LSP1: variants seen among roughly 807,000 people sequenced by gnomAD.
LSP1 encodes the protein lymphocyte specific protein 1, also known as lymphocyte-specific protein 1.
In LSP1, 32 loss-of-function variants were observed where a neutral mutation model predicts 49.3. The ratio of observed to expected loss-of-function variants is 0.65; its 90% CI spans 0.49 to 0.87. The LOEUF (loss-of-function observed/expected upper bound fraction) is 0.87. LSP1 is among the 40% of genes least tolerant of loss of function. LSP1 has a pLI of 0.00. For missense variants in LSP1, 428 were observed against 442.6 expected (o/e 0.97, Z 0.30); for synonymous variants, 179 against 178.8 (o/e 1.00, Z -0.01).
chr11:1,881,985 G>A (rs1420222288), intron 3 of LSP1, among the ~76,000 whole-genome samples: 2 of 152,188 alleles, frequency 1.3e-5, no homozygotes, highest in African/African-American at 2.4e-5. Flanking sequence ...GGCCGCTTCC[G>A]TAATGGAGGC....
At chr11:1,859,300 C>G (rs1165477492) in intron 1 of LSP1, among the ~76,000 whole-genome samples, 1 of 152,098 alleles carries the variant, frequency 6.6e-6, no homozygotes, top group African/African-American at 2.4e-5. Flanking sequence ...CCCAGAGTCC[C>G]CAGTCTCCAG....
chr11:1,887,979 G>T (rs539736104), intron 10 of LSP1, among the ~76,000 whole-genome samples: 2 of 152,104 alleles, frequency 1.3e-5, no homozygotes, highest in Non-Finnish European at 2.9e-5. Flanking sequence ...GTCCATAGAG[G>T]GGCAGGAACT....
At chr11:1,853,267 A>G (rs1342611384) in intron 1 of LSP1, 70 bp downstream of exon 1, 21 of 1,516,506 alleles carry the variant, frequency 1.4e-5, no homozygotes, top group Non-Finnish European at 1.9e-5. Context: ...AGCTGCATGG[A>G]GGGTGGAGAA....
intron 1 of LSP1, among the ~76,000 whole-genome samples, chr11:1,862,846 C>A (rs1402347147): frequency 2.0e-5 from 3 of 152,106 alleles, no homozygotes; most frequent in Admixed American, 2.0e-4. Context: ...ACCTCCCCTC[C>A]CCTGGGTGAG....
At chr11:1,862,015 GTGGA>G (rs1413110131) in intron 1 of LSP1, among the ~76,000 whole-genome samples, 33 of 146,504 alleles carry the variant, frequency 2.3e-4, no homozygotes, top group African/African-American at 7.6e-4. Flanking sequence ...GGATGGATGA[GTGGA>G]TGGATGGATG....
rs1326513352 is a variant in LSP1, at chr11:1,884,918, A to G, written c.717+337A>G. The stretch of plus-strand genomic sequence containing the variant: ...TCCTCCAATTATTCAGTGTTCCTCC[A>G]TTCAATCAATGCCCCCCTCGGAACA... On this transcript the variant is annotated intron_variant, in intron 7 of 10. Coordinates refer to ENST00000311604, the MANE Select transcript of LSP1 (RefSeq NM_002339.3). The surrounding 1 kb of genome is among the most constrained non-coding windows in gnomAD (Gnocchi z 4.1). Among the ~76,000 whole-genome samples the G allele has an allele frequency of 1.3e-5, 2 of 152,062 alleles. No individual in the cohort carries two copies. The highest frequency in any genetic ancestry group is 2.9e-5 in the Non-Finnish European group (2 of 68,010).
chr11:1,888,329 C>G (rs1274799202), intron 10 of LSP1, among the ~76,000 whole-genome samples: 1 of 152,228 alleles, frequency 6.6e-6, no homozygotes, highest in Non-Finnish European at 1.5e-5. Context: ...AGCCCCTTCT[C>G]TGTCCCGCTT....
In LSP1 at chr11:1,881,551, G is replaced by C. The variant is rs140673005; in HGVS notation, c.311G>C (p.Gly104Ala). ...HEGAQGALDS[G>A]EPPQCRSPEG... is the part of the protein sequence containing the mutation. ...GGGGCGCAGGGCGCCTTGGACAGCGGAGAGCCCCCCCAGTGCAGGAGTCCT... is the reference window on the plus strand; with the variant it reads ...GGGGCGCAGGGCGCCTTGGACAGCGCAGAGCCCCCCCAGTGCAGGAGTCCT... The change falls in exon 3 of 11, where the codon GGA (glycine) becomes GCA (alanine). Residue 104 changes from glycine to alanine, a missense_variant. By Grantham distance (60) the Gly-to-Ala change is moderately conservative (BLOSUM62 0). Coordinates refer to ENST00000311604, the MANE Select transcript of LSP1 (RefSeq NM_002339.3). 814 of 1,543,960 alleles carry C rather than the reference G, an allele frequency of 5.3e-4. 7 individuals are homozygous for C. The African/African-American group carries it at 9.6e-3, about 18-fold the overall frequency.
chr11:1,871,279 A>G (rs1204173896), intron 1 of LSP1: 1 of 986,582 alleles, frequency 1.0e-6, no homozygotes, highest in African/African-American at 1.7e-5. Flanking sequence ...AGGCAGGGCC[A>G]CCCACGAGCA....
At chr11:1,889,013 G>C in intron 10 of LSP1, 1 of 556,330 alleles carries the variant, frequency 1.8e-6, no homozygotes, top group Non-Finnish European at 3.2e-6. Context: ...GCCCTTCCCA[G>C]GCTGCCCTGC....
intron 1 of LSP1, chr11:1,870,744 A>C (rs57214763): frequency 0.054 from 53,982 of 999,096 alleles, 2,432 homozygotes; most frequent in African/African-American, 0.23. Context: ...GTGGGCAGAG[A>C]CTTCAGGGAT....
intron 1 of LSP1, among the ~76,000 whole-genome samples, chr11:1,857,945 A>C (rs1048307112): frequency 1.3e-5 from 2 of 152,022 alleles, no homozygotes; most frequent in Non-Finnish European, 1.5e-5. Flanking sequence ...AGTAGAGAAG[A>C]GGCTTTCACC....
chr11:1,889,504 G>A (rs1478220512), intron 10 of LSP1: 8 of 617,050 alleles, frequency 1.3e-5, no homozygotes, highest in South Asian at 3.8e-5. Context: ...AGGCTCTGCC[G>A]CGGCTCTGGG....
chr11:1,873,670 C>T lies in LSP1; in HGVS notation c.54-6417C>T, dbSNP rs1447332277. ...AGGAGGGAGGAGGGAGGAACTGGAC[C>T]GAGGCTATGGCTATGGAAGAATCAT... On this transcript the variant is annotated intron_variant, in intron 1 of 10. Transcript: ENST00000311604. Among the ~76,000 whole-genome samples the T allele has an allele frequency of 3.3e-5, 5 of 149,766 alleles. No homozygotes were observed. In the South Asian group the frequency reaches 6.4e-4, roughly 19 times the overall value.
chr11:1,878,970 G>C (rs1211619547), intron 1 of LSP1, among the ~76,000 whole-genome samples: 1 of 152,144 alleles, frequency 6.6e-6, no homozygotes, highest in Non-Finnish European at 1.5e-5. Flanking sequence ...TCCCTGAGGG[G>C]GGCGCGTGGG....
At chr11:1,865,653 C>T (rs575455326) in intron 1 of LSP1, among the ~76,000 whole-genome samples, 3 of 138,870 alleles carry the variant, frequency 2.2e-5, no homozygotes, top group Non-Finnish European at 4.7e-5. Context: ...CACTGTCACC[C>T]GCTCACGCCG....
chr11:1,884,277 C>A lies in LSP1; in HGVS notation c.592-3C>A. On this transcript the variant is annotated splice_polypyrimidine_tract_variant and splice_region_variant and intron_variant, in intron 5 of 10. Coordinates refer to ENST00000311604, the MANE Select transcript of LSP1 (RefSeq NM_002339.3). This position sits in a 1 kb window ranked among gnomAD's most constrained non-coding sequence, Gnocchi z 4.1. ...GGCCTGTGTCTCTCTCCACCCTCTG[C>A]AGCTCATCGACAGGACCGAGTCCCT... is the stretch of plus-strand genomic sequence containing the variant. The A allele has an allele frequency of 6.2e-7, 1 of 1,614,128 alleles. No individual in the cohort carries two copies. Among genetic ancestry groups the A allele is most frequent in the Non-Finnish European group, 8.5e-7 (1 of 1,179,998 alleles).
intron 2 of LSP1, 44 bp from the exon 3 acceptor site, chr11:1,881,388 A>T: frequency 1.3e-6 from 2 of 1,517,088 alleles, no homozygotes; most frequent in Non-Finnish European, 1.8e-6. Context: ...TGGGCAGAGG[A>T]GGCAGCAGCC....
intron 4 of LSP1, 108 bp from the exon 5 acceptor site, chr11:1,883,824 G>T: frequency 8.9e-7 from 1 of 1,128,518 alleles, no homozygotes; most frequent in South Asian, 1.5e-5. Flanking sequence ...CAGGGCCACA[G>T]AGAACCTGGG....
Sources: gnomAD v4.1 joint callset for allele counts (sites outside exome capture counted in the v4.1 genomes callset) on GRCh38, gnomAD v4.1.1 for gene constraint, Gnocchi (gnomAD v3.1) non-coding constraint, MANE v1.5 for transcripts, NCBI Gene and HGNC (gene_info 2026-07-23, HGNC 2026-07-21) for gene names.